The following ULK2 variants were observed in gnomAD, a reference collection of about 807,000 sequenced individuals.
The protein encoded by ULK2 is serine/threonine-protein kinase ULK2.
A neutral mutation model predicts 127.5 loss-of-function variants in ULK2; 76 were observed. The ratio of observed to expected loss-of-function variants is 0.60; its 90% confidence interval spans 0.50 to 0.72. The LOEUF is 0.72. ULK2 is among the 30% of genes least tolerant of loss of function. The pLI is 0.00. For synonymous variants in ULK2, 452 were observed against 461.9 expected (o/e 0.98, Z 0.28); for missense variants, 1,144 against 1,295.9 (o/e 0.88, Z 1.80).
chr17:19,831,771 G>C (rs1029019490), intron 10 of ULK2, among the ~76,000 whole-genome samples: 1 of 152,140 alleles, frequency 6.6e-6, no homozygotes, highest in African/African-American at 2.4e-5. Flanking sequence ...GGGTTGTAGT[G>C]AGTCAAGACT....
intron 14 of ULK2, among the ~76,000 whole-genome samples, chr17:19,807,883 G>T (rs2087547605): frequency 6.6e-6 from 1 of 152,080 alleles, no homozygotes; most frequent in Admixed American, 6.6e-5. Context: ...GAAGCAGGTG[G>T]ATCACGAGGT....
At chr17:19,854,429 T>G (rs939015391) in intron 3 of ULK2, among the ~76,000 whole-genome samples, 2 of 152,158 alleles carry the variant, frequency 1.3e-5, no homozygotes, top group East Asian at 3.8e-4. Context: ...TATATAATAC[T>G]GATTAATAAA....
At chr17:19,863,954 T>C (rs973978130) in intron 3 of ULK2, among the ~76,000 whole-genome samples, 2 of 152,122 alleles carry the variant, frequency 1.3e-5, no homozygotes, top group Non-Finnish European at 2.9e-5. Flanking sequence ...AGTGACCTTG[T>C]TTTTAATTTA....
intron 14 of ULK2, 30 bp from the exon 15 acceptor site, chr17:19,804,860 G>A: frequency 6.2e-7 from 1 of 1,605,338 alleles, no homozygotes; most frequent in Non-Finnish European, 8.5e-7. Context: ...AAAAAGGAAA[G>A]AAACAGTGGT....
At chr17:19,828,819 C>T (rs1286721012) in intron 10 of ULK2, among the ~76,000 whole-genome samples, 3 of 152,216 alleles carry the variant, frequency 2.0e-5, no homozygotes, top group Non-Finnish European at 4.4e-5. Flanking sequence ...AGAACAGAGA[C>T]TCCCTTTAGG....
chr17:19,830,229 T>C (rs1357497419), intron 10 of ULK2, among the ~76,000 whole-genome samples: 1 of 151,604 alleles, frequency 6.6e-6, no homozygotes, highest in Admixed American at 6.6e-5. Flanking sequence ...GAGACAATGT[T>C]GCGCTCTGTT....
chr17:19,813,132 A>C (rs1240436413), intron 13 of ULK2, among the ~76,000 whole-genome samples: 2 of 152,166 alleles, frequency 1.3e-5, no homozygotes, highest in African/African-American at 4.8e-5. Context: ...CTTCAGGCAA[A>C]AGATTGGATG....
At chr17:19,795,261 G>A (rs775399363) in intron 20 of ULK2, among the ~76,000 whole-genome samples, 18 of 145,134 alleles carry the variant, frequency 1.2e-4, no homozygotes, top group South Asian at 6.5e-4. Context: ...TGACCTATGG[G>A]TCTTTATAAA....
At chr17:19,813,142 G>A (rs755610295) in intron 13 of ULK2, among the ~76,000 whole-genome samples, 14 of 152,242 alleles carry the variant, frequency 9.2e-5, no homozygotes, top group Non-Finnish European at 1.8e-4. Context: ...AAGATTGGAT[G>A]AGTCTTTTGG....
intron 20 of ULK2, among the ~76,000 whole-genome samples, chr17:19,794,158 T>C (rs561713543): frequency 6.6e-6 from 1 of 151,838 alleles, no homozygotes; most frequent in Non-Finnish European, 1.5e-5. Context: ...TTCCTGAAAC[T>C]TCCTGAACTA....
chr17:19,819,545 G>A (rs980207733), intron 12 of ULK2, among the ~76,000 whole-genome samples: 8 of 152,170 alleles, frequency 5.3e-5, no homozygotes, highest in Admixed American at 3.3e-4. Flanking sequence ...CTCACAGAAT[G>A]ATGGTTCCTA....
In ULK2 at chr17:19,867,471, G is replaced by C. The variant is rs571920214; in HGVS notation, c.-54C>G. 5 of 1,449,924 alleles carry C rather than the reference G, an allele frequency of 3.4e-6. 1 individual carries two copies. The African/African-American group carries it at 5.9e-5, about 17-fold the overall frequency. The allele number at this position is 1,449,924 out of a possible 1,614,324, so 89.8% of individuals were successfully genotyped here. ...GGGCGGGCGGCGCAGTGCGGCGCAG[G>C]TATCAGCACCGCGGCTCCGCGGGCC... On this transcript the variant is annotated 5_prime_UTR_variant, in exon 1 of 27. Transcript: ENST00000395544.
At chr17:19,783,581 G>C in intron 22 of ULK2, 116 bp downstream of exon 22, 1 of 1,052,056 alleles carries the variant, frequency 9.5e-7, no homozygotes, top group Non-Finnish European at 1.3e-6. Context: ...AACAGAAAAG[G>C]CACGTTAAAG....
intron 3 of ULK2, among the ~76,000 whole-genome samples, chr17:19,862,258 A>G (rs1048163368): frequency 6.6e-6 from 1 of 151,156 alleles, no homozygotes; most frequent in Non-Finnish European, 1.5e-5. Context: ...CACCACACCC[A>G]GCTGATTTTT....
rs2087531001 is a variant in ULK2, at chr17:19,807,095, GAGA to G, written c.1158-2268_1158-2266del. On this transcript the variant is annotated intron_variant, in intron 14 of 26. Transcript: ENST00000395544. The stretch of plus-strand genomic sequence containing the variant: ...GAAGTAATGCCAAGGGACAGAGGGA[GAGA>G]AGAAGGAAGGATCTATGCATAAGAG... Among the ~76,000 whole-genome samples, 3 of 152,348 alleles carry G rather than the reference GAGA, an allele frequency of 2.0e-5. No homozygotes were observed. The South Asian group carries it at 6.2e-4, about 32-fold the overall frequency.
chr17:19,805,275 T>G (rs1480524724), intron 14 of ULK2, among the ~76,000 whole-genome samples: 1 of 152,240 alleles, frequency 6.6e-6, no homozygotes, highest in Non-Finnish European at 1.5e-5. Context: ...TCTGACTTTA[T>G]GAAGAAGGAG....
rs374031654 is a variant in ULK2, at chr17:19,836,506, T to C, written c.787+1995A>G. 6.0e-4 allele frequency among the ~76,000 whole-genome samples: 88 copies of C among 147,296 alleles called. No individual in the cohort carries two copies. The South Asian group carries it at 0.017, about 29-fold the overall frequency. The stretch of plus-strand genomic sequence containing the variant: ...CTGAGGCAGGAGAATAGCTTGAACC[T>C]GGGAGGCTGCAACCTGGGAGCTTGA... On this transcript the variant is annotated intron_variant, in intron 10 of 26. Coordinates refer to ENST00000395544, the MANE Select transcript of ULK2 (RefSeq NM_014683.4).
intron 4 of ULK2, 72 bp from the exon 5 acceptor site, chr17:19,849,477 T>C: frequency 7.1e-7 from 1 of 1,414,436 alleles, no homozygotes. Flanking sequence ...TTCTCAATTG[T>C]GATTAAAAAA....
At chr17:19,801,992 T>G in intron 15 of ULK2, 70 bp from the exon 16 acceptor site, 2 of 1,499,616 alleles carry the variant, frequency 1.3e-6, no homozygotes, top group Non-Finnish European at 1.8e-6. Context: ...TTTCTGAAAC[T>G]TCCTAACAAT....
Sources: gnomAD v4.1 joint callset for allele counts (sites outside exome capture counted in the v4.1 genomes callset) on GRCh38, gnomAD v4.1.1 for gene constraint, MANE v1.5 for transcripts, NCBI Gene and HGNC (gene_info 2026-07-23, HGNC 2026-07-21) for gene names.